Variants in POU6F2 observed in about 807,000 individuals in gnomAD.
POU6F2 encodes the protein POU domain, class 6, transcription factor 2.
A neutral mutation model predicts 71.3 loss-of-function variants in POU6F2; 31 were observed. That is an observed-to-expected ratio of 0.43 (90% CI 0.33 to 0.59). The LOEUF (loss-of-function observed/expected upper bound fraction) is 0.59. Among genes scored for constraint, POU6F2 ranks in the 20% least tolerant of loss-of-function variants. The pLI, the probability that POU6F2 is intolerant of heterozygous loss-of-function variation, is 0.04. For synonymous variants in POU6F2, 347 were observed against 355.7 expected, an observed-to-expected ratio of 0.98 and a Z score of 0.27; for missense variants, 783 against 856.8, an observed-to-expected ratio of 0.91 and a Z score of 1.07.
intron 7 of POU6F2, among the ~76,000 whole-genome samples, chr7:39,434,818 G>T (rs1412182585): frequency 6.6e-6 from 1 of 152,076 alleles, no homozygotes; most frequent in Non-Finnish European, 1.5e-5. Flanking sequence ...GGTGTGTGTT[G>T]TTCCCCTCTC....
At chr7:39,038,969 G>T (rs10230554) in intron 1 of POU6F2, among the ~76,000 whole-genome samples, 4 of 151,808 alleles carry the variant, frequency 2.6e-5, no homozygotes, top group African/African-American at 9.7e-5. Context: ...AGACAAAACT[G>T]CTTATGAAGT....
intron 4 of POU6F2, among the ~76,000 whole-genome samples, chr7:39,303,789 A>C (rs1785000001): frequency 6.6e-6 from 1 of 152,254 alleles, no homozygotes; most frequent in South Asian, 2.1e-4. Flanking sequence ...GAAGAAGTTC[A>C]ATAAATTCTA....
intron 2 of POU6F2, among the ~76,000 whole-genome samples, chr7:39,163,918 T>A (rs987354655): frequency 2.6e-5 from 4 of 152,176 alleles, no homozygotes; most frequent in African/African-American, 9.7e-5. Flanking sequence ...AGGTGCAGGT[T>A]ACCAGAGGCT....
chr7:39,330,300 G>C (rs1035704747), intron 4 of POU6F2, among the ~76,000 whole-genome samples: 10 of 152,130 alleles, frequency 6.6e-5, no homozygotes, highest in Admixed American at 6.5e-4. Flanking sequence ...ACGATTTTTA[G>C]TTAACTGTAT....
At chr7:39,278,606 C>T (rs916010757) in intron 4 of POU6F2, among the ~76,000 whole-genome samples, 4 of 152,102 alleles carry the variant, frequency 2.6e-5, no homozygotes, top group Non-Finnish European at 5.9e-5. Context: ...ATCTAGACAC[C>T]CACCCGTGCT....
intron 4 of POU6F2, among the ~76,000 whole-genome samples, chr7:39,240,474 A>G (rs1263489186): frequency 6.6e-6 from 1 of 152,136 alleles, no homozygotes; most frequent in East Asian, 1.9e-4. Flanking sequence ...GATTTCTAAT[A>G]TGCCTCTCAA....
At chr7:39,327,645 A>G (rs1322746350) in intron 4 of POU6F2, among the ~76,000 whole-genome samples, 1 of 151,974 alleles carries the variant, frequency 6.6e-6, no homozygotes, top group Non-Finnish European at 1.5e-5. Context: ...AAAATAGTTC[A>G]TCATGTTCTC....
chr7:39,204,153 A>G, intron 2 of POU6F2, 82 bp from the exon 3 acceptor site: 1 of 1,183,630 alleles, frequency 8.4e-7, no homozygotes, highest in Non-Finnish European at 1.2e-6. Context: ...ACTCTGTCAT[A>G]TCATCTATGC....
chr7:39,396,997 C>T (rs1266127012), intron 5 of POU6F2, among the ~76,000 whole-genome samples: 1 of 152,108 alleles, frequency 6.6e-6, no homozygotes, highest in African/African-American at 2.4e-5. Context: ...CAGCCCCACC[C>T]AATTCCAGGC....
chr7:39,440,000 A>C (rs1433342857), intron 7 of POU6F2, among the ~76,000 whole-genome samples: 2 of 152,162 alleles, frequency 1.3e-5, no homozygotes, highest in East Asian at 3.8e-4. Flanking sequence ...AAGATTGTTA[A>C]ATAGTGGCCC....
intron 4 of POU6F2, among the ~76,000 whole-genome samples, chr7:39,237,512 G>A (rs183039030): frequency 4.3e-4 from 66 of 152,220 alleles, no homozygotes; most frequent in Non-Finnish European, 6.2e-4. Flanking sequence ...TTACGTGTTC[G>A]CTGTGTCCCT....
intron 2 of POU6F2, among the ~76,000 whole-genome samples, chr7:39,125,531 T>G (rs971477648): frequency 6.6e-6 from 1 of 152,136 alleles, no homozygotes; most frequent in Non-Finnish European, 1.5e-5. Context: ...TGTTAAAAAA[T>G]ATATTACATT....
At chr7:39,242,273 A>G (rs1783739670) in intron 4 of POU6F2, among the ~76,000 whole-genome samples, 1 of 152,134 alleles carries the variant, frequency 6.6e-6, no homozygotes, top group Non-Finnish European at 1.5e-5. Context: ...TTAACTGCCA[A>G]ACAGCTTTCA....
chr7:39,007,504 G>C (rs1789108061), intron 1 of POU6F2, among the ~76,000 whole-genome samples: 1 of 152,100 alleles, frequency 6.6e-6, no homozygotes, highest in African/African-American at 2.4e-5. Context: ...TTTTCTAATT[G>C]CTTCTTTTAA....
At chr7:39,295,839 C>T (rs1386797250) in intron 4 of POU6F2, among the ~76,000 whole-genome samples, 1 of 152,148 alleles carries the variant, frequency 6.6e-6, no homozygotes, top group East Asian at 1.9e-4. Context: ...AGAGAATTAA[C>T]CCAGTTTTAT....
chr7:39,286,646 T>C (rs956510173), intron 4 of POU6F2, among the ~76,000 whole-genome samples: 10 of 152,248 alleles, frequency 6.6e-5, no homozygotes, highest in African/African-American at 2.4e-4. Context: ...CATTCCCTGA[T>C]GTGAAACTTT....
intron 4 of POU6F2, among the ~76,000 whole-genome samples, chr7:39,262,154 T>C (rs961823341): frequency 6.6e-6 from 1 of 152,182 alleles, no homozygotes; most frequent in Non-Finnish European, 1.5e-5. Context: ...CTTCATATAT[T>C]ACATCATTAT....
intron 2 of POU6F2, among the ~76,000 whole-genome samples, chr7:39,121,540 A>C (rs1034765855): frequency 6.6e-6 from 1 of 151,926 alleles, no homozygotes; most frequent in Non-Finnish European, 1.5e-5. Flanking sequence ...ATTATTTCTC[A>C]CTCATTATCT....
intron 1 of POU6F2, among the ~76,000 whole-genome samples, chr7:39,012,682 A>G (rs1266788790): frequency 1.2e-4 from 19 of 152,054 alleles, no homozygotes; most frequent in Middle Eastern, 3.4e-3. Context: ...TTTGATGATG[A>G]TGATGTACAG....
Sources: allele counts gnomAD v4.1 joint callset (sites outside exome capture counted in the v4.1 genomes callset), GRCh38; gene constraint gnomAD v4.1.1; transcripts MANE v1.5; gene names NCBI Gene and HGNC (gene_info 2026-07-23, HGNC 2026-07-21).